Variants in MSANTD2 observed in about 807,000 individuals in gnomAD.
The protein encoded by MSANTD2 is Myb/SANT DNA binding domain containing 2.
In MSANTD2, 19 loss-of-function variants were observed where a neutral mutation model predicts 52.6. The observed-to-expected ratio is 0.36, with a 90% CI of 0.25 to 0.53. The LOEUF (loss-of-function observed/expected upper bound fraction) is 0.53, where lower values mean the gene tolerates loss of function less well. Among genes scored for constraint, MSANTD2 ranks in the 20% least tolerant of loss-of-function variants. The probability of loss-of-function intolerance (pLI) is 0.91; values close to 1 mark genes in which losing one functional copy is unlikely to be tolerated. For synonymous variants in MSANTD2, 291 were observed against 289.7 expected, an observed-to-expected ratio of 1.00 and a Z score of -0.04; for missense variants, 558 against 716.3, an observed-to-expected ratio of 0.78 and a Z score of 2.52.
chr11:124,773,317 G>A (rs1169032471), intron 2 of MSANTD2: 1 of 276,546 alleles, frequency 3.6e-6, no homozygotes. Context: ...GGAGCTTAAA[G>A]CTTAATTTCA....
intron 1 of MSANTD2, chr11:124,791,478 T>C (rs1047075884): frequency 3.5e-6 from 4 of 1,129,326 alleles, no homozygotes; most frequent in Non-Finnish European, 4.0e-6. Flanking sequence ...GTCAGGCGAG[T>C]CACTCTCCTA....
intron 1 of MSANTD2, chr11:124,791,618 C>A: frequency 6.8e-7 from 1 of 1,479,156 alleles, no homozygotes; most frequent in South Asian, 1.1e-5. Flanking sequence ...TCAGTGGGAT[C>A]GGCAGCTTCC....
intron 1 of MSANTD2, among the ~76,000 whole-genome samples, chr11:124,781,054 G>A (rs1944946199): frequency 1.3e-5 from 2 of 152,038 alleles, no homozygotes. Flanking sequence ...GTGGTGGTGG[G>A]CACCTGTAGT....
At chr11:124,772,183 G>C (rs762270313) in intron 3 of MSANTD2, among the ~76,000 whole-genome samples, 6 of 152,098 alleles carry the variant, frequency 3.9e-5, no homozygotes, top group Non-Finnish European at 8.8e-5. Context: ...ATGTATAATA[G>C]GTCATCTAAG....
intron 1 of MSANTD2, 75 bp downstream of exon 1, chr11:124,799,796 C>A (rs973573038): frequency 2.6e-5 from 30 of 1,145,630 alleles, no homozygotes; most frequent in Non-Finnish European, 3.5e-5. Context: ...CTCAGACCGG[C>A]CCCCGCCCCC....
Position 124,767,413 on chromosome 11 carries a change from C to T in MSANTD2, c.1443G>A (p.Glu481=). Reference sequence around the variant, plus strand: ...ATAAGCACTGCTGTAGAGTCCTGACCTCAGCAATCCCGAGGTAGCAATAGA... The same window carrying T: ...ATAAGCACTGCTGTAGAGTCCTGACTTCAGCAATCCCGAGGTAGCAATAGA... ...RIIYCYLGIA[E]VRTLQQCLFL... Residue 481 remains glutamate, a synonymous_variant, in exon 4 of 4, where the codon GAG becomes GAA. Transcript: ENST00000374979. This position sits in a 1 kb window ranked among gnomAD's most constrained non-coding sequence, Gnocchi z 6.5. The T allele has an allele frequency of 6.2e-7, 1 of 1,614,190 alleles. No homozygotes were observed. Among genetic ancestry groups the T allele is most frequent in the Non-Finnish European group, 8.5e-7 (1 of 1,180,040 alleles).
chr11:124,771,616 G>A (rs1462491114), intron 3 of MSANTD2, among the ~76,000 whole-genome samples: 4 of 152,086 alleles, frequency 2.6e-5, no homozygotes, highest in African/African-American at 4.8e-5. Context: ...CTAAAAATAC[G>A]AAAATTAGCC....
chr11:124,766,855 A>G lies in MSANTD2; in HGVS notation c.*321T>C, dbSNP rs189158111. The G allele has an allele frequency of 1.0e-3, 219 of 213,348 alleles. 1 individual carries two copies. In the Admixed American group the frequency reaches 0.011, roughly 11 times the overall value. 13.2% of individuals were successfully genotyped at this position (213,348 alleles called of 1,614,324 possible). ...AAACTCAAAGTATAAGTTTTGTCCA[A>G]TATGGAATGTACCTACATTTGTTTA... On this transcript the variant is annotated 3_prime_UTR_variant, in exon 4 of 4. Coordinates refer to ENST00000374979, the MANE Select transcript of MSANTD2 (RefSeq NM_001308027.2).
intron 3 of MSANTD2, among the ~76,000 whole-genome samples, chr11:124,771,121 G>C (rs1453652980): frequency 1.3e-5 from 2 of 152,142 alleles, no homozygotes; most frequent in Admixed American, 1.3e-4. Flanking sequence ...ACCCACCTTG[G>C]CCTCCCAAAG....
intron 1 of MSANTD2, among the ~76,000 whole-genome samples, chr11:124,795,171 G>T (rs1263209298): frequency 3.9e-5 from 6 of 152,158 alleles, no homozygotes; most frequent in African/African-American, 1.4e-4. Flanking sequence ...GAACCACCAT[G>T]CCCGGCCTCT....
intron 1 of MSANTD2, among the ~76,000 whole-genome samples, chr11:124,786,089 T>C (rs1004952835): frequency 2.1e-5 from 3 of 139,814 alleles, no homozygotes; most frequent in Admixed American, 1.4e-4. Context: ...CCCTGCATCA[T>C]TTCTTCTTTT....
chr11:124,792,522 T>C (rs1396785425), intron 1 of MSANTD2: 2 of 152,254 alleles, frequency 1.3e-5, no homozygotes, highest in Non-Finnish European at 2.9e-5. Context: ...TTACACTAAC[T>C]ATTCATCTAC....
chr11:124,767,898 A>G lies in MSANTD2; in HGVS notation c.958T>C (p.Tyr320His), dbSNP rs1010454036. The change falls in exon 4 of 4, where the codon TAT becomes CAT. Residue 320 changes from tyrosine to histidine, a missense_variant. This residue lies in a region of MSANTD2 where 408 missense variants were observed against 573.6 expected (regional missense o/e 0.71). Coordinates refer to ENST00000374979, the MANE Select transcript of MSANTD2 (RefSeq NM_001308027.2). This position sits in a 1 kb window ranked among gnomAD's most constrained non-coding sequence, Gnocchi z 6.5. ...ATATCCTCTTTCCAACGGGTGTTAT[A>G]ACCAATTCCAAAAATGGCCAGTTTA... The part of the protein sequence containing the change: ...SNKLAIFGIG[Y>H]NTRWKEDIRY... 9 of 1,614,090 alleles carry G rather than the reference A, an allele frequency of 5.6e-6. No homozygotes were observed. Among genetic ancestry groups the G allele is most frequent in the Non-Finnish European group, 6.8e-6 (8 of 1,180,042 alleles).
chr11:124,797,087 G>A (rs1591480814), intron 1 of MSANTD2, among the ~76,000 whole-genome samples: 1 of 152,148 alleles, frequency 6.6e-6, no homozygotes, highest in Admixed American at 6.5e-5. Flanking sequence ...TCTTCAGACT[G>A]GGTTCCAAAG....
intron 1 of MSANTD2, chr11:124,792,124 C>A (rs578131537): frequency 6.5e-6 from 1 of 154,600 alleles, no homozygotes; most frequent in Non-Finnish European, 1.4e-5. Context: ...AAAAGATGCA[C>A]TGTTTTGGTT....
rs757503630 is a variant in MSANTD2, at chr11:124,767,442, T to C, written c.1414A>G (p.Ile472Val). Residue 472 changes from isoleucine to valine, a missense_variant, in exon 4 of 4, where the codon ATT (isoleucine) becomes GTT (valine). This residue lies in a region of MSANTD2 where 408 missense variants were observed against 573.6 expected (regional missense o/e 0.71). Transcript: ENST00000374979. This position sits in a 1 kb window ranked among gnomAD's most constrained non-coding sequence, Gnocchi z 6.5. ...SLQVEIEPTR[I>V]IYCYLGIAEV... Reference sequence around the variant, plus strand: ...GCAATCCCGAGGTAGCAATAGATAATTCGGGTGGGTTCTATTTCCACCTGT... The same window carrying C: ...GCAATCCCGAGGTAGCAATAGATAACTCGGGTGGGTTCTATTTCCACCTGT... 6.2e-7 allele frequency: 1 copy of C among 1,614,168 alleles called. No individual in the cohort carries two copies. The highest frequency in any genetic ancestry group is 8.5e-7 in the Non-Finnish European group (1 of 1,180,032).
intron 2 of MSANTD2, among the ~76,000 whole-genome samples, chr11:124,773,793 T>C (rs1944632186): frequency 6.6e-6 from 1 of 152,166 alleles, no homozygotes; most frequent in South Asian, 2.1e-4. Flanking sequence ...TATCTAAAGC[T>C]CAGGGAGCAT....
intron 1 of MSANTD2, chr11:124,792,719 G>A (rs1402114683): frequency 2.6e-5 from 4 of 152,164 alleles, no homozygotes; most frequent in Admixed American, 6.5e-5. Flanking sequence ...GTATACTACC[G>A]TAACTCTCAG....
intron 3 of MSANTD2, among the ~76,000 whole-genome samples, chr11:124,771,432 A>G (rs1944516489): frequency 6.6e-6 from 1 of 152,204 alleles, no homozygotes. Context: ...AAAAGAAATG[A>G]GCATTTACAA....
Sources: allele counts gnomAD v4.1 joint callset (sites outside exome capture counted in the v4.1 genomes callset), GRCh38; gene constraint gnomAD v4.1.1; regional missense constraint gnomAD v4.1.1; non-coding constraint Gnocchi (gnomAD v3.1); transcripts MANE v1.5; gene names NCBI Gene and HGNC (gene_info 2026-07-23, HGNC 2026-07-21).